The following LRRC4C variants were observed in gnomAD, a reference collection of about 807,000 sequenced individuals.
The protein encoded by LRRC4C is leucine-rich repeat-containing protein 4C.
Under a neutral mutation model 33.6 loss-of-function variants are expected in LRRC4C, and 5 were observed. That is an observed-to-expected ratio of 0.15 (90% CI 0.08 to 0.31). The LOEUF (loss-of-function observed/expected upper bound fraction) is 0.31, where lower values mean the gene tolerates loss of function less well. LRRC4C is among the 10% of genes least tolerant of loss of function. The pLI is 1.00. For synonymous variants in LRRC4C, 329 were observed against 302.0 expected (o/e 1.09, Z -0.93); for missense variants, 560 against 796.7 (o/e 0.70, Z 3.58).
chr11:40,766,724 C>T (rs1949489444), intron 2 of LRRC4C, among the ~76,000 whole-genome samples: 2 of 151,752 alleles, frequency 1.3e-5, no homozygotes, highest in Admixed American at 1.3e-4. Context: ...TAATTAAAGG[C>T]TTTAAGATAT....
At chr11:41,224,032 A>G (rs1021042071) in intron 1 of LRRC4C, among the ~76,000 whole-genome samples, 1 of 152,166 alleles carries the variant, frequency 6.6e-6, no homozygotes, top group South Asian at 2.1e-4. Context: ...AAATCCACCA[A>G]TATAATGCTT....
intron 1 of LRRC4C, among the ~76,000 whole-genome samples, chr11:40,937,603 A>ATGTGTGTGTGTGTGTG (rs35416837): frequency 2.3e-4 from 31 of 136,002 alleles, no homozygotes; most frequent in African/African-American, 8.1e-4. Context: ...GTGTGTGTAT[A>ATGTGTGTGTGTGTGTG]TGTGTGTGTG....
rs116113077 is a variant in LRRC4C, at chr11:40,893,340, C to T, written c.-407+40295G>A. ...AGCACAACAGGGTGACTACAATCAC[C>T]AATAATTTGTTGCACATTTTAGAAC... is the stretch of plus-strand genomic sequence containing the variant. On this transcript the variant is annotated intron_variant, in intron 2 of 6. Transcript: ENST00000528697. 1.8e-3 allele frequency among the ~76,000 whole-genome samples: 277 copies of T among 151,718 alleles called. 1 individual carries two copies. Among genetic ancestry groups the T allele is most frequent in the African/African-American group, 6.1e-3 (253 of 41,332 alleles).
chr11:40,177,979 A>G (rs1026208125), intron 5 of LRRC4C, among the ~76,000 whole-genome samples: 2 of 152,206 alleles, frequency 1.3e-5, no homozygotes, highest in African/African-American at 2.4e-5. Flanking sequence ...ATCAAACAGT[A>G]GGAGGTGCAT....
intron 1 of LRRC4C, among the ~76,000 whole-genome samples, chr11:41,402,416 T>A (rs552135504): frequency 6.6e-6 from 1 of 152,168 alleles, no homozygotes; most frequent in South Asian, 2.1e-4. Context: ...TAAACCACCC[T>A]ATCTACAGGT....
chr11:41,325,592 T>C (rs1344830270), intron 1 of LRRC4C, among the ~76,000 whole-genome samples: 1 of 148,342 alleles, frequency 6.7e-6, no homozygotes, highest in African/African-American at 2.6e-5. Context: ...TGTGTGTGTG[T>C]GTGTGTGTGT....
chr11:40,969,748 CTT>C (rs1189060972), intron 1 of LRRC4C, among the ~76,000 whole-genome samples: 1 of 152,136 alleles, frequency 6.6e-6, no homozygotes, highest in Non-Finnish European at 1.5e-5. Flanking sequence ...TGTAACATAA[CTT>C]TTATATAAAC....
chr11:40,710,137 C>T (rs12226546), intron 2 of LRRC4C, among the ~76,000 whole-genome samples: 21,405 of 152,118 alleles, frequency 0.14, 1,591 homozygotes, highest in South Asian at 0.18. Flanking sequence ...GTTTGAACAT[C>T]CTCCTTTAGC....
chr11:40,944,481 A>T (rs1406167598), intron 1 of LRRC4C, among the ~76,000 whole-genome samples: 1 of 152,222 alleles, frequency 6.6e-6, no homozygotes, highest in Admixed American at 6.5e-5. Flanking sequence ...TCATTGAAAG[A>T]GTAACAGACT....
At chr11:40,542,417 C>T (rs1400426898) in intron 3 of LRRC4C, among the ~76,000 whole-genome samples, 1 of 152,038 alleles carries the variant, frequency 6.6e-6, no homozygotes, top group African/African-American at 2.4e-5. Flanking sequence ...GGCCCAGCTG[C>T]CTTGTGGGTC....
chr11:41,266,862 A>G (rs1949167648), intron 1 of LRRC4C, among the ~76,000 whole-genome samples: 1 of 152,254 alleles, frequency 6.6e-6, no homozygotes, highest in African/African-American at 2.4e-5. Flanking sequence ...CAAATGATAA[A>G]TGATTGATAT....
intron 2 of LRRC4C, among the ~76,000 whole-genome samples, chr11:40,904,584 G>C (rs1956339130): frequency 6.6e-6 from 1 of 152,070 alleles, no homozygotes; most frequent in Non-Finnish European, 1.5e-5. Flanking sequence ...TTATAATTCT[G>C]GGGGAGTGGC....
At chr11:40,233,606 A>C (rs1865356711) in intron 5 of LRRC4C, among the ~76,000 whole-genome samples, 1 of 152,220 alleles carries the variant, frequency 6.6e-6, no homozygotes, top group South Asian at 2.1e-4. Flanking sequence ...TGGATTAAGA[A>C]AAATCCTCAT....
At chr11:40,623,759 C>G (rs1210506397) in intron 3 of LRRC4C, among the ~76,000 whole-genome samples, 1 of 152,028 alleles carries the variant, frequency 6.6e-6, no homozygotes, top group Non-Finnish European at 1.5e-5. Flanking sequence ...TCACTTCTTC[C>G]CTGGAAATAC....
At chr11:40,627,074 G>GTTTTT (rs33969300) in intron 3 of LRRC4C, among the ~76,000 whole-genome samples, 1 of 112,464 alleles carries the variant, frequency 8.9e-6, no homozygotes, top group African/African-American at 3.1e-5. Context: ...CAGCTATACT[G>GTTTTT]TTTTTTTTTT....
chr11:40,462,405 A>G lies in LRRC4C; in HGVS notation c.-269-142684T>C, dbSNP rs528786070. ...ATGTTACTTAAAGGGGTAGATTTTC[A>G]TTCTTCATTCTTTAATTTATAGAGA... On this transcript the variant is annotated intron_variant, in intron 3 of 6. Coordinates refer to ENST00000528697, the MANE Select transcript of LRRC4C (RefSeq NM_001258419.2). 2.9e-3 allele frequency among the ~76,000 whole-genome samples: 444 copies of G among 152,236 alleles called. 1 individual carries two copies. The highest frequency in any genetic ancestry group is 4.8e-3 in the Non-Finnish European group (323 of 67,976).
At chr11:40,627,270 A>C (rs1003444834) in intron 3 of LRRC4C, among the ~76,000 whole-genome samples, 78 of 65,698 alleles carry the variant, frequency 1.2e-3, no homozygotes, top group Admixed American at 8.1e-3. Context: ...AGAGAGAGAG[A>C]GAGAGCGAGA....
chr11:40,431,187 G>T (rs907196244), intron 3 of LRRC4C, among the ~76,000 whole-genome samples: 4 of 150,496 alleles, frequency 2.7e-5, no homozygotes, highest in African/African-American at 9.7e-5. Flanking sequence ...CCAGCACTTT[G>T]GGAGGTTCAG....
At position 40,303,460 on chromosome 11, in the gene LRRC4C, A is replaced by G. The variant is rs528958441; in HGVS notation, c.-176+16168T>C. Among the ~76,000 whole-genome samples the G allele has an allele frequency of 3.9e-5, 6 of 152,266 alleles. No individual in the cohort carries two copies. In the South Asian group the frequency reaches 1.2e-3, roughly 32 times the overall value. ...TTCCTGCCACTGGAGTAGCTCAATCATAGGCTGCACGTTGTGGTTAGGCCT... is the reference window on the plus strand; with the variant it reads ...TTCCTGCCACTGGAGTAGCTCAATCGTAGGCTGCACGTTGTGGTTAGGCCT... On this transcript the variant is annotated intron_variant, in intron 4 of 6. Transcript: ENST00000528697.
Sources: gnomAD v4.1 joint callset for allele counts (sites outside exome capture counted in the v4.1 genomes callset) on GRCh38, gnomAD v4.1.1 for gene constraint, MANE v1.5 for transcripts, NCBI Gene and HGNC (gene_info 2026-07-23, HGNC 2026-07-21) for gene names.